Variants in CCDC7 observed in about 807,000 individuals in gnomAD.
The protein encoded by CCDC7 is coiled-coil domain containing 7, also known as coiled-coil domain-containing protein 7.
In CCDC7, 183 loss-of-function variants were observed where a neutral mutation model predicts 196.9. The observed-to-expected ratio is 0.93, with a 90% CI of 0.82 to 1.05. The LOEUF is 1.05. CCDC7 is among the 50% of genes least tolerant of loss of function. The pLI is 0.00. For missense variants in CCDC7, 1,540 were observed against 1,482.2 expected, an observed-to-expected ratio of 1.04 and a Z score of -0.64; for synonymous variants, 525 against 484.6, an observed-to-expected ratio of 1.08 and a Z score of -1.10.
rs2094836708 is a variant in CCDC7 at position 32,882,788 on chromosome 10, T to G, written c.*2453T>G. ...AGGAGCTCTGTGATGAGGTTCCAGC[T>G]TACTTCTATTCGCCAGTGTCCCTGT... On this transcript the variant is annotated 3_prime_UTR_variant and NMD_transcript_variant, in exon 23 of 23. Coordinates refer to the CCDC7 transcript ENST00000375025. 4 of 152,202 alleles carry G rather than the reference T, an allele frequency of 2.6e-5. No individual in the cohort carries two copies. In the South Asian group the frequency reaches 8.3e-4, roughly 31 times the overall value. The allele number at this position is 152,202 out of a possible 1,614,324, so 9.4% of individuals were successfully genotyped here. A position where few individuals can be genotyped will look rare whatever the true frequency, so the allele number is the denominator to read the frequency against.
chr10:32,585,593 C>G (rs1216797658), intron 18 of CCDC7, among the ~76,000 whole-genome samples: 1 of 152,046 alleles, frequency 6.6e-6, no homozygotes, highest in East Asian at 1.9e-4. Flanking sequence ...TCTCATTGTT[C>G]AGCTCCCACT....
At chr10:32,662,594 G>A (rs2140423634) in intron 20 of CCDC7, among the ~76,000 whole-genome samples, 1 of 152,218 alleles carries the variant, frequency 6.6e-6, no homozygotes, top group Non-Finnish European at 1.5e-5. Context: ...CCTTATTGTT[G>A]AGCAACTAGA....
downstream of CCDC7, among the ~76,000 whole-genome samples, chr10:32,880,571 C>G (rs2383976): frequency 0.69 from 104,198 of 151,964 alleles, 36,662 homozygotes; most frequent in Non-Finnish European, 0.77. Flanking sequence ...GTCAATTTTT[C>G]TTTTGTTGCA....
rs2056168775 is a variant in CCDC7, at chr10:32,563,473, C to T, written c.1135-2085C>T. On this transcript the variant is annotated intron_variant, in intron 13 of 41. Coordinates refer to ENST00000639629, the Ensembl canonical transcript of CCDC7. The stretch of plus-strand genomic sequence containing the variant: ...AGAGATATAGATCAATGGAACAGAA[C>T]AGAGTCCTCAGAAATAATGCCACAT... Among the ~76,000 whole-genome samples the T allele has an allele frequency of 2.0e-5, 3 of 152,264 alleles. No individual in the cohort carries two copies. In the South Asian group the frequency reaches 6.2e-4, roughly 32 times the overall value.
intron 25 of CCDC7, among the ~76,000 whole-genome samples, chr10:32,723,904 T>C (rs1298638846): frequency 1.3e-5 from 2 of 152,038 alleles, no homozygotes; most frequent in African/African-American, 4.8e-5. Flanking sequence ...GAGCTAACAC[T>C]AGTAACTGGG....
chr10:32,729,735 T>C (rs1308383775), intron 28 of CCDC7, among the ~76,000 whole-genome samples: 1 of 152,108 alleles, frequency 6.6e-6, no homozygotes, highest in Non-Finnish European at 1.5e-5. Context: ...AAGTAAACTT[T>C]AAATTTATAT....
At chr10:32,853,321 C>T (rs1360398807) in intron 40 of CCDC7, among the ~76,000 whole-genome samples, 2 of 152,008 alleles carry the variant, frequency 1.3e-5, no homozygotes, top group African/African-American at 4.8e-5. Context: ...TAATAATGGT[C>T]TTCTCTTATG....
intron 18 of CCDC7, among the ~76,000 whole-genome samples, chr10:32,586,323 C>A (rs3006737): frequency 1.3e-5 from 2 of 152,156 alleles, no homozygotes; most frequent in African/African-American, 2.4e-5. Flanking sequence ...ATTCTGTAGG[C>A]TGCTTGTTCA....
At chr10:32,613,953 C>T (rs965837733) in intron 18 of CCDC7, among the ~76,000 whole-genome samples, 1 of 152,098 alleles carries the variant, frequency 6.6e-6, no homozygotes, top group African/African-American at 2.4e-5. Flanking sequence ...GAGTTCAAGT[C>T]CTGAATATCC....
At chr10:32,664,554 G>A (rs929670924) in intron 21 of CCDC7, among the ~76,000 whole-genome samples, 1 of 151,956 alleles carries the variant, frequency 6.6e-6, no homozygotes, top group Non-Finnish European at 1.5e-5. Flanking sequence ...CTATGAACTT[G>A]ACTTTTTAAA....
intron 24 of CCDC7, among the ~76,000 whole-genome samples, chr10:32,702,948 A>G (rs1227700192): frequency 1.3e-5 from 2 of 152,138 alleles, no homozygotes; most frequent in African/African-American, 4.8e-5. Context: ...CAGCACACTG[A>G]TGGGTCTTGA....
chr10:32,522,337 T>G (rs2048001035), intron 11 of CCDC7, among the ~76,000 whole-genome samples: 1 of 152,188 alleles, frequency 6.6e-6, no homozygotes, highest in Non-Finnish European at 1.5e-5. Context: ...TTATTATGGC[T>G]TTGATCTCGT....
At chr10:32,805,033 T>G (rs146821174) in exon 30 of CCDC7, 8 of 1,610,832 alleles carry the variant, frequency 5.0e-6, no homozygotes, top group Non-Finnish European at 6.8e-6. Flanking sequence ...ATAGAAAGCT[T>G]GAGAGGTGCT....
chr10:32,690,970 T>C (rs372123200), intron 23 of CCDC7, among the ~76,000 whole-genome samples: 60 of 152,194 alleles, frequency 3.9e-4, no homozygotes, highest in African/African-American at 1.4e-3. Flanking sequence ...GCATTACTTC[T>C]TTTCCCCAGT....
intron 29 of CCDC7, among the ~76,000 whole-genome samples, chr10:32,794,443 G>C (rs1456197675): frequency 6.6e-6 from 1 of 152,154 alleles, no homozygotes; most frequent in Non-Finnish European, 1.5e-5. Flanking sequence ...ATAACCAACA[G>C]TGGCATTGTT....
chr10:32,870,051 TG>T (rs1157280264), intron 41 of CCDC7, among the ~76,000 whole-genome samples: 2 of 152,136 alleles, frequency 1.3e-5, no homozygotes, highest in East Asian at 3.8e-4. Flanking sequence ...TTTGTTCTTT[TG>T]GCTTAGGATT....
chr10:32,623,511 T>C (rs1321268075), intron 18 of CCDC7, among the ~76,000 whole-genome samples: 1 of 152,190 alleles, frequency 6.6e-6, no homozygotes, highest in Non-Finnish European at 1.5e-5. Flanking sequence ...ATTGCACAAA[T>C]ACTTTGTTTT....
At chr10:32,458,349 A>AT (rs2034817986) in intron 3 of CCDC7, among the ~76,000 whole-genome samples, 1 of 149,018 alleles carries the variant, frequency 6.7e-6, no homozygotes, top group Non-Finnish European at 1.5e-5. Flanking sequence ...AAGTGGATTT[A>AT]TTTTTTGGGT....
intron 5 of CCDC7, 72 bp from the exon 7 acceptor site, chr10:32,470,992 T>C: frequency 7.4e-7 from 1 of 1,352,290 alleles, no homozygotes; most frequent in Admixed American, 2.8e-5. Context: ...ATAAAGGAGA[T>C]AATGAAATTT....
Sources: gnomAD v4.1 joint callset for allele counts (sites outside exome capture counted in the v4.1 genomes callset) on GRCh38, gnomAD v4.1.1 for gene constraint, MANE v1.5 for transcripts, NCBI Gene and HGNC (gene_info 2026-07-23, HGNC 2026-07-21) for gene names.